HACD3: variants seen among roughly 807,000 people sequenced by gnomAD.
The protein encoded by HACD3 is 3-hydroxyacyl-CoA dehydratase 3.
A neutral mutation model predicts 55.2 loss-of-function variants in HACD3; 30 were observed. That is an observed-to-expected ratio of 0.54 (90% CI 0.41 to 0.74). The LOEUF (loss-of-function observed/expected upper bound fraction) is 0.74, where lower values mean the gene tolerates loss of function less well. Ranked by LOEUF, HACD3 falls within the 30% of genes least tolerant of loss-of-function variation. The probability of loss-of-function intolerance (pLI) is 0.00; values close to 1 mark genes in which losing one functional copy is unlikely to be tolerated. For missense variants in HACD3, 363 were observed against 440.1 expected, an observed-to-expected ratio of 0.82 and a Z score of 1.57; for synonymous variants, 141 against 151.7, an observed-to-expected ratio of 0.93 and a Z score of 0.52.
intron 1 of HACD3, among the ~76,000 whole-genome samples, chr15:65,548,591 G>A (rs1377056878): frequency 6.7e-6 from 1 of 148,276 alleles, no homozygotes; most frequent in Non-Finnish European, 1.5e-5. Flanking sequence ...TCCTTTTTTT[G>A]AGACAGGGTC....
chr15:65,563,779 G>A (rs1433000377), intron 6 of HACD3, among the ~76,000 whole-genome samples: 1 of 152,156 alleles, frequency 6.6e-6, no homozygotes, highest in Non-Finnish European at 1.5e-5. Context: ...GACCATCCTG[G>A]TCAACATGGT....
At chr15:65,572,599 T>C (rs1239706654) in intron 10 of HACD3, among the ~76,000 whole-genome samples, 1 of 152,192 alleles carries the variant, frequency 6.6e-6, no homozygotes, top group Non-Finnish European at 1.5e-5. Flanking sequence ...ATTGGGAATA[T>C]ACCATAAGAT....
At position 65,541,365 on chromosome 15, in the gene HACD3, GTTTA is replaced by G. The variant is rs144872234; in HGVS notation, c.88-10306_88-10303del. 3.6e-3 allele frequency among the ~76,000 whole-genome samples: 546 copies of G among 152,232 alleles called. 5 individuals carry two copies. The highest frequency in any genetic ancestry group is 0.012 in the African/African-American group (514 of 41,548). ...AATTTATTGAAAGAGCTCTCTGAGA[GTTTA>G]TTTAAACTGTTAATGCTGTTCAGCC... On this transcript the variant is annotated intron_variant, in intron 1 of 10. Transcript: ENST00000261875.
intron 1 of HACD3, among the ~76,000 whole-genome samples, chr15:65,545,827 T>A (rs2141209575): frequency 6.6e-6 from 1 of 152,260 alleles, no homozygotes; most frequent in Non-Finnish European, 1.5e-5. Flanking sequence ...AATTCGCAAT[T>A]TATTTCTTCT....
At chr15:65,534,050 CA>C (rs11298076) in intron 1 of HACD3, among the ~76,000 whole-genome samples, 123,702 of 136,884 alleles carry the variant, frequency 0.9, 55,742 homozygotes, top group East Asian at 0.94. Context: ...GACTCCGTCT[CA>C]AAAAAAAAAA....
At chr15:65,564,532 C>A in intron 7 of HACD3, 190 bp downstream of exon 7, 1 of 663,164 alleles carries the variant, frequency 1.5e-6, no homozygotes, top group Non-Finnish European at 2.4e-6. Context: ...TGGTGGAGGG[C>A]GAAAGGCACT....
At chr15:65,570,983 G>A (rs1596219499) in intron 8 of HACD3, among the ~76,000 whole-genome samples, 1 of 152,162 alleles carries the variant, frequency 6.6e-6, no homozygotes, top group African/African-American at 2.4e-5. Flanking sequence ...AATCAGACAC[G>A]TAATGTGCTG....
chr15:65,555,889 C>T (rs546109685), intron 3 of HACD3, among the ~76,000 whole-genome samples: 1 of 152,256 alleles, frequency 6.6e-6, no homozygotes, highest in East Asian at 1.9e-4. Context: ...ATGCAGTACC[C>T]TTGAGAGGGT....
chr15:65,537,995 A>G (rs1366377443), intron 1 of HACD3, among the ~76,000 whole-genome samples: 5 of 121,826 alleles, frequency 4.1e-5, no homozygotes, highest in Non-Finnish European at 8.5e-5. Flanking sequence ...ATATATATAT[A>G]TATATGTATA....
chr15:65,530,485 C>G lies in HACD3; in HGVS notation c.-147C>G, dbSNP rs422390. 594,579 of 639,370 alleles carry G rather than the reference C, an allele frequency of 0.93. 277,492 individuals carry two copies. Among genetic ancestry groups the G allele is most frequent in the East Asian group, 0.96 (27,202 of 28,440 alleles). The allele number at this position is 639,370 out of a possible 1,614,324, so 39.6% of individuals were successfully genotyped here. Reference sequence around the variant, plus strand: ...CGCGTCACTGCGCAGGCGCGGCCCGCGAGCGTGGGGTATCTCGAGGTGCCG... The same window carrying G: ...CGCGTCACTGCGCAGGCGCGGCCCGGGAGCGTGGGGTATCTCGAGGTGCCG... On this transcript the variant is annotated 5_prime_UTR_variant, in exon 1 of 11. Transcript: ENST00000261875.
chr15:65,577,977 GCT>G lies in HACD3; in HGVS notation c.*1601_*1602del, dbSNP rs1253997119. On this transcript the variant is annotated 3_prime_UTR_variant, in exon 11 of 11. Transcript: ENST00000261875. The stretch of plus-strand genomic sequence containing the variant: ...GCATAAAAGAATTTAAGGAGTGATA[GCT>G]CTTTCTGTTCTGCCATTCCCAACAT... 2.0e-5 allele frequency: 3 copies of G among 152,570 alleles called. No individual in the cohort carries two copies. Among genetic ancestry groups the G allele is most frequent in the African/African-American group, 4.8e-5 (2 of 41,450 alleles). 9.5% of individuals were successfully genotyped at this position (152,570 alleles called of 1,614,324 possible).
At chr15:65,543,236 T>C (rs1596206293) in intron 1 of HACD3, among the ~76,000 whole-genome samples, 2 of 152,154 alleles carry the variant, frequency 1.3e-5, no homozygotes, top group East Asian at 3.8e-4. Flanking sequence ...TCATGTCCTT[T>C]TTAAAAATCA....
In HACD3 at chr15:65,576,534, T is replaced by C. The variant is rs1289780178; in HGVS notation, c.*155T>C. On this transcript the variant is annotated 3_prime_UTR_variant, in exon 11 of 11. Coordinates refer to ENST00000261875, the MANE Select transcript of HACD3 (RefSeq NM_016395.4). ...TCCCCAGTAACATTCCTGAATTTAC[T>C]GTTATCTTATTGTAGTACTTGCATG... 3 of 781,362 alleles carry C rather than the reference T, an allele frequency of 3.8e-6. No individual in the cohort carries two copies. Among genetic ancestry groups the C allele is most frequent in the Admixed American group, 5.9e-5 (2 of 33,908 alleles). 48.4% of individuals were successfully genotyped at this position (781,362 alleles called of 1,614,324 possible). A position where few individuals can be genotyped will look rare whatever the true frequency, so the allele number is the denominator to read the frequency against.
intron 1 of HACD3, among the ~76,000 whole-genome samples, chr15:65,550,576 T>C (rs1236532343): frequency 6.6e-5 from 10 of 152,360 alleles, no homozygotes; most frequent in East Asian, 3.8e-4. Context: ...ACCAAGCATT[T>C]AAATAAATAA....
chr15:65,549,126 G>C (rs1422946779), intron 1 of HACD3, among the ~76,000 whole-genome samples: 3 of 152,160 alleles, frequency 2.0e-5, no homozygotes, highest in African/African-American at 7.2e-5. Flanking sequence ...AACTAAAAGT[G>C]TTGAATAAAA....
chr15:65,544,718 T>C (rs1461467290), intron 1 of HACD3, among the ~76,000 whole-genome samples: 3 of 152,032 alleles, frequency 2.0e-5, no homozygotes, highest in Non-Finnish European at 2.9e-5. Context: ...AAAGGAATGA[T>C]TGAATTAGAA....
At chr15:65,537,945 AAAAAAAAAAAAAAATATATAT>A (rs1410266741) in intron 1 of HACD3, among the ~76,000 whole-genome samples, 31 of 36,442 alleles carry the variant, frequency 8.5e-4, no homozygotes, top group African/African-American at 3.4e-3. Flanking sequence ...AAAAAAAAAA[AAAAAAAAAAAAAAATATATAT>A]ATATATATAT....
intron 1 of HACD3, among the ~76,000 whole-genome samples, chr15:65,537,951 AAAAAAAAATAT>A (rs1436567997): frequency 5.1e-5 from 1 of 19,586 alleles, no homozygotes; most frequent in South Asian, 1.9e-3. Context: ...AAAAAAAAAA[AAAAAAAAATAT>A]ATATATATAT....
At chr15:65,537,810 G>A (rs373198236) in intron 1 of HACD3, among the ~76,000 whole-genome samples, 590 of 36,662 alleles carry the variant, frequency 0.016, 8 homozygotes, top group Middle Eastern at 0.097. Flanking sequence ...AAAAAAAAAA[G>A]AATTATGCTA....
Sources: gnomAD v4.1 joint callset for allele counts (sites outside exome capture counted in the v4.1 genomes callset) on GRCh38, gnomAD v4.1.1 for gene constraint, MANE v1.5 for transcripts, NCBI Gene and HGNC (gene_info 2026-07-23, HGNC 2026-07-21) for gene names.